Variants in KDM4C observed in about 807,000 individuals in gnomAD.
The protein encoded by KDM4C is lysine-specific demethylase 4C.
A neutral mutation model predicts 129.3 loss-of-function variants in KDM4C; 81 were observed. The observed-to-expected ratio is 0.63, with a 90% CI of 0.52 to 0.75. KDM4C has a LOEUF of 0.75. Among genes scored for constraint, KDM4C ranks in the 30% least tolerant of loss-of-function variants. The probability of loss-of-function intolerance (pLI) is 0.00; values close to 1 mark genes in which losing one functional copy is unlikely to be tolerated. For synonymous variants in KDM4C, 573 were observed against 456.1 expected, an observed-to-expected ratio of 1.26 and a Z score of -3.26; for missense variants, 1,457 against 1,304.0, an observed-to-expected ratio of 1.12 and a Z score of -1.81.
chr9:7,138,665 A>C (rs559431319), intron 19 of KDM4C, among the ~76,000 whole-genome samples: 11 of 152,120 alleles, frequency 7.2e-5, no homozygotes, highest in Non-Finnish European at 1.3e-4. Flanking sequence ...AAAATTTAAA[A>C]AAATTTAGCC....
chr9:6,965,535 G>C lies in KDM4C; in HGVS notation c.922-15390G>C, dbSNP rs147009242. Among the ~76,000 whole-genome samples, 277 of 152,292 alleles carry C rather than the reference G, an allele frequency of 1.8e-3. 2 individuals are homozygous for C. The highest frequency in any genetic ancestry group is 0.01 in the Middle Eastern group (3 of 294). On this transcript the variant is annotated intron_variant, in intron 8 of 21. Transcript: ENST00000381309. ...TATGTCAGCATACTTAATTATGGAA[G>C]CTGAGAAACCTCAAGACTCTGCAGT...
chr9:6,790,506 G>C (rs1353734079), intron 1 of KDM4C, among the ~76,000 whole-genome samples: 1 of 150,620 alleles, frequency 6.6e-6, no homozygotes, highest in African/African-American at 2.4e-5. Flanking sequence ...CGCCCGCCTC[G>C]GCCTCCCAGA....
intron 17 of KDM4C, among the ~76,000 whole-genome samples, chr9:7,060,209 T>C (rs553647050): frequency 1.3e-5 from 2 of 151,730 alleles, no homozygotes; most frequent in South Asian, 4.2e-4. Context: ...TTTATGTCAT[T>C]GTCATGTTTT....
chr9:7,087,823 G>C (rs755796533), intron 17 of KDM4C, among the ~76,000 whole-genome samples: 3 of 152,190 alleles, frequency 2.0e-5, no homozygotes, highest in Non-Finnish European at 4.4e-5. Context: ...TCCACAAGAA[G>C]TATAGCTTCT....
chr9:6,724,513 CAT>C lies in KDM4C; in HGVS notation c.49+3519_49+3520del, dbSNP rs574711824. Among the ~76,000 whole-genome samples, 562 of 152,118 alleles carry C rather than the reference CAT, an allele frequency of 3.7e-3. 5 individuals carry two copies. Among genetic ancestry groups the C allele is most frequent in the African/African-American group, 0.013 (543 of 41,504 alleles). On this transcript the variant is annotated intron_variant, in intron 1 of 17. Coordinates refer to the KDM4C transcript ENST00000536108. ...ATATCCAAGAAAGAAGTAAACTGGA[CAT>C]ATTATTATTATTGTTATTATTATTA...
intron 15 of KDM4C, among the ~76,000 whole-genome samples, chr9:7,026,861 G>A (rs777294277): frequency 1.3e-5 from 2 of 151,748 alleles, no homozygotes; most frequent in Non-Finnish European, 2.9e-5. Flanking sequence ...TGCTTGATCA[G>A]TTCTGTCCTT....
At chr9:6,897,483 A>T (rs1201743980) in intron 8 of KDM4C, among the ~76,000 whole-genome samples, 1 of 152,228 alleles carries the variant, frequency 6.6e-6, no homozygotes, top group East Asian at 1.9e-4. Flanking sequence ...CCTTGCATTT[A>T]GCAGGAACAA....
intron 8 of KDM4C, among the ~76,000 whole-genome samples, chr9:6,907,836 A>G (rs1818595294): frequency 6.6e-6 from 1 of 152,200 alleles, no homozygotes; most frequent in African/African-American, 2.4e-5. Flanking sequence ...TTGGCTATGT[A>G]TTTGTTTAAC....
At chr9:6,800,907 C>T (rs936050306) in intron 2 of KDM4C, among the ~76,000 whole-genome samples, 32 of 152,280 alleles carry the variant, frequency 2.1e-4, no homozygotes, top group African/African-American at 7.0e-4. Flanking sequence ...GGATTACAGG[C>T]GTGAGCCACC....
Position 6,923,152 on chromosome 9 carries a change from C to A in KDM4C, c.921+29920C>A, listed in dbSNP as rs529073343. On this transcript the variant is annotated intron_variant, in intron 8 of 21. Transcript: ENST00000381309. Reference sequence around the variant, plus strand: ...GGGTTTGTAAAGCACTGCCTCCTCCCCACTTCACCTGGGGGCCGAGATTAT... The same window carrying A: ...GGGTTTGTAAAGCACTGCCTCCTCCACACTTCACCTGGGGGCCGAGATTAT... 7.2e-5 allele frequency among the ~76,000 whole-genome samples: 11 copies of A among 152,236 alleles called. No individual in the cohort carries two copies. The South Asian group carries it at 2.3e-3, about 32-fold the overall frequency.
rs745630867 is a variant in KDM4C at position 6,849,638 on chromosome 9, G to C, written c.567G>C (p.Trp189Cys). The C allele has an allele frequency of 6.2e-7, 1 of 1,613,552 alleles. No homozygotes were observed. Among genetic ancestry groups the C allele is most frequent in the Non-Finnish European group, 8.5e-7 (1 of 1,179,630 alleles). The stretch of plus-strand genomic sequence containing the variant: ...GCATGTGGAAGACCACGTTTGCATG[G>C]CACACCGAAGACATGGACCTCTATA... The part of the protein sequence containing the change: ...YFGMWKTTFA[W>C]HTEDMDLYSI... Residue 189 changes from tryptophan (W) to cysteine (C), a missense_variant, in exon 5 of 22, where the codon TGG becomes TGC. By Grantham distance (215) the Trp-to-Cys change is radical. Transcript: ENST00000381309.
rs1009077561 is a variant in KDM4C, at chr9:6,799,189, G to A, written c.144+6057G>A. Among the ~76,000 whole-genome samples, 9 of 152,256 alleles carry A rather than the reference G, an allele frequency of 5.9e-5. No individual in the cohort carries two copies. The East Asian group carries it at 1.5e-3, about 26-fold the overall frequency. On this transcript the variant is annotated intron_variant, in intron 2 of 21. Transcript: ENST00000381309. ...GCGGCCGGGCAGAGGCTGCAATCTC[G>A]GCACTTTGGGAGGCCAAGGCAGGCG... is the stretch of plus-strand genomic sequence containing the variant.
At chr9:6,785,360 G>A (rs11788640) in intron 1 of KDM4C, among the ~76,000 whole-genome samples, 51,193 of 148,128 alleles carry the variant, frequency 0.35, 8,803 homozygotes, top group African/African-American at 0.39. Flanking sequence ...TTTTTGAGAT[G>A]GAGTCTCACT....
At chr9:7,122,890 G>A (rs1272824093) in intron 18 of KDM4C, among the ~76,000 whole-genome samples, 2 of 152,140 alleles carry the variant, frequency 1.3e-5, no homozygotes, top group Admixed American at 1.3e-4. Flanking sequence ...TTAATCTGAT[G>A]GATGCCCTCG....
At chr9:7,094,334 CT>C (rs567197289) in intron 17 of KDM4C, among the ~76,000 whole-genome samples, 5 of 151,594 alleles carry the variant, frequency 3.3e-5, no homozygotes, top group East Asian at 1.9e-4. Flanking sequence ...AAAGGAATTT[CT>C]TTTTTTTTAT....
chr9:7,128,025 C>T (rs764554888), intron 18 of KDM4C, 41 bp from the exon 19 acceptor site: 3 of 1,341,912 alleles, frequency 2.2e-6, no homozygotes, highest in South Asian at 4.6e-5. Context: ...TTTTCCTGTT[C>T]TCTTACTTCT....
intron 4 of KDM4C, among the ~76,000 whole-genome samples, chr9:6,841,505 A>G (rs748980579): frequency 4.6e-5 from 7 of 152,234 alleles, no homozygotes; most frequent in Non-Finnish European, 7.3e-5. Flanking sequence ...CCATAAAAAT[A>G]TGATTAGTAA....
At chr9:6,978,893 T>A (rs1391264793) in intron 8 of KDM4C, 1 of 152,190 alleles carries the variant, frequency 6.6e-6, no homozygotes, top group Admixed American at 6.5e-5. Flanking sequence ...TGTTTCTGTT[T>A]AGGCTTCATA....
chr9:6,857,659 C>T (rs575543557), intron 5 of KDM4C, among the ~76,000 whole-genome samples: 6 of 151,964 alleles, frequency 3.9e-5, no homozygotes, highest in Admixed American at 6.6e-5. Flanking sequence ...TCAAGTTTAA[C>T]GTTGGTACTT....
Sources: allele counts gnomAD v4.1 joint callset (sites outside exome capture counted in the v4.1 genomes callset), GRCh38; gene constraint gnomAD v4.1.1; transcripts MANE v1.5; gene names NCBI Gene and HGNC (gene_info 2026-07-23, HGNC 2026-07-21).